The following CRADD variants were observed in gnomAD, a reference collection of about 807,000 sequenced individuals.
The protein encoded by CRADD is death domain-containing protein CRADD.
Under a neutral mutation model 15.5 loss-of-function variants are expected in CRADD, and 9 were observed. The observed-to-expected ratio is 0.58, with a 90% CI of 0.35 to 1.01. The LOEUF is 1.01. Among genes scored for constraint, CRADD ranks in the 50% least tolerant of loss-of-function variants. The pLI is 0.02. For missense variants in CRADD, 227 were observed against 250.3 expected (o/e 0.91, Z 0.63); for synonymous variants, 118 against 107.6 (o/e 1.10, Z -0.60).
Position 93,679,026 on chromosome 12 carries a change from G to A in CRADD, c.252G>A (p.Glu84=). The A allele has an allele frequency of 1.2e-6, 2 of 1,614,124 alleles. No individual in the cohort carries two copies. Among genetic ancestry groups the A allele is most frequent in the Non-Finnish European group, 1.7e-6 (2 of 1,179,930 alleles). The change falls in exon 2 of 3, where the codon GAG becomes GAA. Residue 84 remains glutamate, a synonymous_variant. Coordinates refer to ENST00000332896, the MANE Select transcript of CRADD (RefSeq NM_003805.5). Reference sequence around the variant, plus strand: ...TACAGGAGTTTCCCTGGGTCAGGGAGAAGCTGAAGAAGGCAAGGGAAGAGG... The same window carrying A: ...TACAGGAGTTTCCCTGGGTCAGGGAAAAGCTGAAGAAGGCAAGGGAAGAGG... ...DSLQEFPWVR[E]KLKKAREEAM... is the part of the protein sequence containing the mutation.
At chr12:93,769,405 C>T (rs569822784) in intron 2 of CRADD, among the ~76,000 whole-genome samples, 3 of 152,258 alleles carry the variant, frequency 2.0e-5, no homozygotes, top group African/African-American at 7.2e-5. Flanking sequence ...TGTTGATGGC[C>T]ATTGGGGTTG....
At chr12:93,703,153 A>G (rs61928986) in intron 2 of CRADD, among the ~76,000 whole-genome samples, 1 of 152,236 alleles carries the variant, frequency 6.6e-6, no homozygotes, top group Non-Finnish European at 1.5e-5. Flanking sequence ...TTACCTTCCA[A>G]AGGTCACAAA....
intron 2 of CRADD, among the ~76,000 whole-genome samples, chr12:93,777,589 A>G (rs958246888): frequency 6.6e-6 from 1 of 152,188 alleles, no homozygotes; most frequent in Non-Finnish European, 1.5e-5. Flanking sequence ...AAATTTAGCA[A>G]TTAAGCTCTT....
intron 2 of CRADD, among the ~76,000 whole-genome samples, chr12:93,858,438 T>A (rs1180119379): frequency 6.6e-6 from 1 of 152,228 alleles, no homozygotes; most frequent in African/African-American, 2.4e-5. Flanking sequence ...GCAGAAGATT[T>A]CTTAACATCT....
At chr12:93,801,197 AG>A (rs1459733299) in intron 2 of CRADD, among the ~76,000 whole-genome samples, 8 of 152,202 alleles carry the variant, frequency 5.3e-5, no homozygotes, top group African/African-American at 1.9e-4. Flanking sequence ...TCCATTATAA[AG>A]TTCCTTATCA....
chr12:93,685,906 T>G (rs914068387), intron 2 of CRADD, among the ~76,000 whole-genome samples: 1 of 151,844 alleles, frequency 6.6e-6, no homozygotes, highest in Non-Finnish European at 1.5e-5. Context: ...GGCAGGAGAA[T>G]CGCTTGAACC....
At chr12:93,697,356 T>A (rs1027647717) in intron 2 of CRADD, among the ~76,000 whole-genome samples, 8 of 152,230 alleles carry the variant, frequency 5.3e-5, no homozygotes, top group African/African-American at 1.9e-4. Flanking sequence ...AGTGTTAACC[T>A]CTTCTGCCAC....
chr12:93,709,884 G>A (rs1956030206), intron 2 of CRADD, among the ~76,000 whole-genome samples: 1 of 152,192 alleles, frequency 6.6e-6, no homozygotes, highest in Non-Finnish European at 1.5e-5. Flanking sequence ...TTCATGACTG[G>A]TGGCAGTTAT....
intron 2 of CRADD, chr12:93,837,832 T>C (rs1268605144): frequency 1.3e-5 from 2 of 152,194 alleles, no homozygotes; most frequent in Non-Finnish European, 2.9e-5. Flanking sequence ...AGAGGCCAAA[T>C]GACTTATCCC....
chr12:93,747,994 A>AATAT (rs901322479), intron 2 of CRADD, among the ~76,000 whole-genome samples: 1 of 151,782 alleles, frequency 6.6e-6, no homozygotes, highest in Non-Finnish European at 1.5e-5. Context: ...TGGAGAAAAA[A>AATAT]ATATATATAT....
At chr12:93,740,638 A>G (rs77234400) in intron 2 of CRADD, among the ~76,000 whole-genome samples, 5,737 of 152,298 alleles carry the variant, frequency 0.038, 169 homozygotes, top group South Asian at 0.066. Flanking sequence ...ATGCCTACCT[A>G]AAAAATATAC....
intron 2 of CRADD, among the ~76,000 whole-genome samples, chr12:93,710,706 T>C (rs1956050083): frequency 1.3e-5 from 2 of 152,024 alleles, no homozygotes; most frequent in Admixed American, 1.3e-4. Context: ...CACATCCTAT[T>C]GGTCAAAATG....
At chr12:93,854,507 C>A (rs1958255034), downstream of CRADD, among the ~76,000 whole-genome samples, 1 of 152,192 alleles carries the variant, frequency 6.6e-6, no homozygotes, top group African/African-American at 2.4e-5. Flanking sequence ...TGCGGGAGGG[C>A]TCTACCAAAA....
intron 1 of CRADD, among the ~76,000 whole-genome samples, chr12:93,678,471 A>C (rs1955207112): frequency 1.3e-5 from 2 of 150,910 alleles, no homozygotes; most frequent in African/African-American, 2.4e-5. Flanking sequence ...AGGGTCTCTG[A>C]CCCACTTTTT....
chr12:93,806,604 T>A (rs1957542728), intron 2 of CRADD, among the ~76,000 whole-genome samples: 1 of 152,122 alleles, frequency 6.6e-6, no homozygotes, highest in Non-Finnish European at 1.5e-5. Context: ...GTCTTCAAAC[T>A]TTTTTTGTTA....
intron 2 of CRADD, among the ~76,000 whole-genome samples, chr12:93,743,538 C>T (rs1956709839): frequency 6.6e-6 from 1 of 152,112 alleles, no homozygotes; most frequent in Non-Finnish European, 1.5e-5. Context: ...GCCATGTTGC[C>T]CAGGCTGGTC....
chr12:93,773,366 G>A (rs776410958), intron 2 of CRADD, among the ~76,000 whole-genome samples: 9 of 152,124 alleles, frequency 5.9e-5, no homozygotes, highest in Non-Finnish European at 1.0e-4. Flanking sequence ...TGAGTCTCAC[G>A]GGATCTGATG....
intron 2 of CRADD, among the ~76,000 whole-genome samples, chr12:93,701,662 A>G (rs921757076): frequency 1.3e-5 from 2 of 152,236 alleles, no homozygotes; most frequent in African/African-American, 2.4e-5. Context: ...TGAAGATTCC[A>G]AATTCCTGAG....
chr12:93,688,179 G>A (rs1224671465), intron 2 of CRADD, among the ~76,000 whole-genome samples: 1 of 152,192 alleles, frequency 6.6e-6, no homozygotes, highest in Non-Finnish European at 1.5e-5. Flanking sequence ...CTGGCTGTCT[G>A]TCTGCTCATG....
Sources: allele counts gnomAD v4.1 joint callset (sites outside exome capture counted in the v4.1 genomes callset), GRCh38; gene constraint gnomAD v4.1.1; transcripts MANE v1.5; gene names NCBI Gene and HGNC (gene_info 2026-07-23, HGNC 2026-07-21).